CSMD3: variants seen among roughly 807,000 people sequenced by gnomAD.
The protein encoded by CSMD3 is CUB and sushi domain-containing protein 3.
Under a neutral mutation model 435.2 loss-of-function variants are expected in CSMD3, and 177 were observed. The observed-to-expected ratio is 0.41, with a 90% CI of 0.36 to 0.46. The LOEUF (loss-of-function observed/expected upper bound fraction) is 0.46. Ranked by LOEUF, CSMD3 falls within the 20% of genes least tolerant of loss-of-function variation. The pLI, the probability that CSMD3 is intolerant of heterozygous loss-of-function variation, is 0.34. For synonymous variants in CSMD3, 1,656 were observed against 1,520.5 expected (o/e 1.09, Z -2.07); for missense variants, 4,265 against 4,504.6 (o/e 0.95, Z 1.52).
chr8:113,127,920 C>G (rs1210358837), intron 4 of CSMD3, among the ~76,000 whole-genome samples: 3 of 152,030 alleles, frequency 2.0e-5, no homozygotes, highest in Non-Finnish European at 4.4e-5. Context: ...CACTTCAACC[C>G]AGGTCAAACT....
intron 3 of CSMD3, among the ~76,000 whole-genome samples, chr8:113,230,850 CTTT>C (rs1197624680): frequency 6.6e-6 from 1 of 151,310 alleles, no homozygotes; most frequent in Non-Finnish European, 1.5e-5. Flanking sequence ...TGTAATAATA[CTTT>C]TTTATATGGA....
chr8:113,055,110 C>A (rs953989832), intron 5 of CSMD3, among the ~76,000 whole-genome samples: 8 of 152,114 alleles, frequency 5.3e-5, no homozygotes, highest in African/African-American at 1.9e-4. Flanking sequence ...GTAACACCAA[C>A]CATTGTAATG....
chr8:113,327,437 G>T (rs1299553372), intron 1 of CSMD3, among the ~76,000 whole-genome samples: 2 of 152,014 alleles, frequency 1.3e-5, no homozygotes, highest in Non-Finnish European at 2.9e-5. Flanking sequence ...TATAAGGGGT[G>T]TTTTTTTCAA....
rs1177119152 is a variant in CSMD3 at position 112,488,426 on chromosome 8, A to G, written c.5278+4063T>C. Among the ~76,000 whole-genome samples, 4 of 152,248 alleles carry G rather than the reference A, an allele frequency of 2.6e-5. 1 individual carries two copies. Among genetic ancestry groups the G allele is most frequent in the Admixed American group, 2.6e-4 (4 of 15,280 alleles). On this transcript the variant is annotated intron_variant, in intron 31 of 70. Coordinates refer to ENST00000297405, the MANE Select transcript of CSMD3 (RefSeq NM_198123.2). ...AAGCGAAATGTAGTTGTGTTCTAAGAGTCTGCAGAATATGATCATGTTGGT... is the reference window on the plus strand; with the variant it reads ...AAGCGAAATGTAGTTGTGTTCTAAGGGTCTGCAGAATATGATCATGTTGGT...
chr8:112,560,626 T>C (rs1828536411), intron 24 of CSMD3, among the ~76,000 whole-genome samples: 1 of 151,644 alleles, frequency 6.6e-6, no homozygotes, highest in Admixed American at 6.6e-5. Context: ...GACATAGCCA[T>C]AAAGAGGTTA....
intron 13 of CSMD3, 116 bp downstream of exon 13, chr8:112,800,046 A>T: frequency 2.8e-6 from 2 of 708,154 alleles, no homozygotes; most frequent in Non-Finnish European, 5.1e-6. Flanking sequence ...ATCTTTGTTG[A>T]AATGTAGCAT....
At chr8:112,840,456 T>C (rs1366575741) in intron 11 of CSMD3, among the ~76,000 whole-genome samples, 1 of 151,750 alleles carries the variant, frequency 6.6e-6, no homozygotes, top group Non-Finnish European at 1.5e-5. Flanking sequence ...GAAAGTTACT[T>C]TGTCAATGGG....
chr8:113,081,566 C>A (rs917730510), intron 5 of CSMD3, among the ~76,000 whole-genome samples: 1 of 152,078 alleles, frequency 6.6e-6, no homozygotes, highest in African/African-American at 2.4e-5. Flanking sequence ...CTTGTGACTG[C>A]GTTGTTCCAG....
At chr8:112,520,657 G>C (rs898105049) in intron 27 of CSMD3, among the ~76,000 whole-genome samples, 2 of 151,866 alleles carry the variant, frequency 1.3e-5, no homozygotes, top group Admixed American at 1.3e-4. Context: ...AAAAGAAAGA[G>C]GCAAGGTTAT....
At chr8:112,653,111 C>T (rs1245083998) in intron 18 of CSMD3, among the ~76,000 whole-genome samples, 2 of 152,122 alleles carry the variant, frequency 1.3e-5, no homozygotes, top group African/African-American at 2.4e-5. Context: ...TCATCGTGCC[C>T]AGCTAGTTTT....
intron 10 of CSMD3, among the ~76,000 whole-genome samples, chr8:112,862,461 G>A (rs2080853960): frequency 6.6e-6 from 1 of 151,906 alleles, no homozygotes; most frequent in African/African-American, 2.4e-5. Flanking sequence ...CTTCCACTAT[G>A]AGAATAGCAC....
intron 4 of CSMD3, among the ~76,000 whole-genome samples, chr8:113,173,508 G>C (rs1039605775): frequency 1.3e-5 from 2 of 151,972 alleles, no homozygotes; most frequent in African/African-American, 4.8e-5. Flanking sequence ...TTTTAGTAAA[G>C]ATGGGGCTTC....
chr8:112,792,692 C>G lies in CSMD3; in HGVS notation c.1972+7470G>C, dbSNP rs117418804. Among the ~76,000 whole-genome samples the G allele has an allele frequency of 4.1e-3, 624 of 152,170 alleles. 26 individuals carry two copies. In the East Asian group the frequency reaches 0.079, roughly 19 times the overall value. On this transcript the variant is annotated intron_variant, in intron 13 of 70. Transcript: ENST00000297405. ...ATAGCTTTAGCTCTTAAACTTAGGT[C>G]TATAATACATTGCAAGTTGATTATT...
chr8:112,818,440 A>T (rs1407020160), intron 12 of CSMD3, among the ~76,000 whole-genome samples: 1 of 152,188 alleles, frequency 6.6e-6, no homozygotes, highest in African/African-American at 2.4e-5. Flanking sequence ...TTTTGGTGCC[A>T]AAATTAACTC....
intron 31 of CSMD3, among the ~76,000 whole-genome samples, chr8:112,482,070 A>G (rs1399671260): frequency 1.3e-5 from 2 of 152,126 alleles, no homozygotes; most frequent in Admixed American, 6.5e-5. Context: ...TAATGACTCA[A>G]TAAGTCATGT....
At chr8:112,352,364 A>G (rs1482859742) in intron 39 of CSMD3, 52 bp downstream of exon 39, 1 of 1,609,076 alleles carries the variant, frequency 6.2e-7, no homozygotes. Context: ...GATTTGTAAA[A>G]TATTCTGAAA....
At chr8:112,291,244 G>A (rs1819733750) in intron 56 of CSMD3, among the ~76,000 whole-genome samples, 1 of 151,770 alleles carries the variant, frequency 6.6e-6, no homozygotes, top group Non-Finnish European at 1.5e-5. Context: ...TGTAAAGTAG[G>A]AAATATGACT....
rs1017118464 is a variant in CSMD3, at chr8:112,906,314, G to T, written c.1633+15313C>A. Among the ~76,000 whole-genome samples the T allele has an allele frequency of 2.0e-5, 3 of 151,182 alleles. No homozygotes were observed. The East Asian group carries it at 5.9e-4, about 30-fold the overall frequency. The stretch of plus-strand genomic sequence containing the variant: ...ACAAGGCTGCAACAGAATGACTACT[G>T]TTTACATCATTAGAACCCCCATCAG... On this transcript the variant is annotated intron_variant, in intron 10 of 70. Coordinates refer to ENST00000297405, the MANE Select transcript of CSMD3 (RefSeq NM_198123.2).
At chr8:112,769,597 C>T (rs928727144) in intron 13 of CSMD3, among the ~76,000 whole-genome samples, 1 of 151,922 alleles carries the variant, frequency 6.6e-6, no homozygotes, top group Non-Finnish European at 1.5e-5. Flanking sequence ...ACATTGTAGG[C>T]CTGTAACCTT....
Sources: allele counts gnomAD v4.1 joint callset (sites outside exome capture counted in the v4.1 genomes callset), GRCh38; gene constraint gnomAD v4.1.1; transcripts MANE v1.5; gene names NCBI Gene and HGNC (gene_info 2026-07-23, HGNC 2026-07-21).